The following ROBO2 variants were observed in gnomAD, a reference collection of about 807,000 sequenced individuals.
The protein encoded by ROBO2 is roundabout guidance receptor 2.
A neutral mutation model predicts 160.8 loss-of-function variants in ROBO2; 53 were observed. The observed-to-expected ratio is 0.33, with a 90% CI of 0.26 to 0.41. The LOEUF (loss-of-function observed/expected upper bound fraction) is 0.41. ROBO2 is among the 10% of genes least tolerant of loss of function. ROBO2 has a pLI of 1.00. For missense variants in ROBO2, 1,577 were observed against 1,722.4 expected, an observed-to-expected ratio of 0.92 and a Z score of 1.49; for synonymous variants, 664 against 611.7, an observed-to-expected ratio of 1.09 and a Z score of -1.26.
At chr3:76,743,694 C>T (rs1035926065) in intron 2 of ROBO2, among the ~76,000 whole-genome samples, 7 of 151,956 alleles carry the variant, frequency 4.6e-5, no homozygotes, top group Admixed American at 2.0e-4. Context: ...ATTTCTAAGA[C>T]TTTCATTCCT....
At position 76,834,347 on chromosome 3, in the gene ROBO2, C is replaced by T. The variant is rs144981954; in HGVS notation, c.110-263667C>T. 4.1e-3 allele frequency among the ~76,000 whole-genome samples: 619 copies of T among 151,478 alleles called. 6 individuals carry two copies. The highest frequency in any genetic ancestry group is 5.1e-3 in the Non-Finnish European group (349 of 67,848). Reference sequence around the variant, plus strand: ...TAACTACAGGGGCACACTACCATGCCCTGCTAATTATTTATTTATTTACTT... The same window carrying T: ...TAACTACAGGGGCACACTACCATGCTCTGCTAATTATTTATTTATTTACTT... On this transcript the variant is annotated intron_variant, in intron 2 of 26. Coordinates refer to the ROBO2 transcript ENST00000487694.
At chr3:77,250,446 C>A (rs6808254) in intron 2 of ROBO2, among the ~76,000 whole-genome samples, 1 of 152,144 alleles carries the variant, frequency 6.6e-6, no homozygotes, top group South Asian at 2.1e-4. Context: ...CTCCTTCACA[C>A]CTTCTCCTGC....
intron 2 of ROBO2, among the ~76,000 whole-genome samples, chr3:77,406,905 T>G (rs1042721020): frequency 6.6e-6 from 1 of 152,204 alleles, no homozygotes; most frequent in Non-Finnish European, 1.5e-5. Flanking sequence ...TTTAACACAT[T>G]GGACCTTGCA....
intron 2 of ROBO2, among the ~76,000 whole-genome samples, chr3:76,086,228 C>T (rs894197273): frequency 5.3e-5 from 8 of 152,074 alleles, no homozygotes; most frequent in African/African-American, 1.9e-4. Context: ...GTGGTGGCAG[C>T]AAGAAGTGAA....
At chr3:76,234,527 A>G (rs989055690) in intron 2 of ROBO2, among the ~76,000 whole-genome samples, 2 of 152,210 alleles carry the variant, frequency 1.3e-5, no homozygotes, top group African/African-American at 4.8e-5. Flanking sequence ...CCTTCTCTCC[A>G]CAACCTCACC....
chr3:77,596,997 T>G (rs1361430383), intron 19 of ROBO2, among the ~76,000 whole-genome samples: 1 of 152,046 alleles, frequency 6.6e-6, no homozygotes, highest in Non-Finnish European at 1.5e-5. Flanking sequence ...TGATAAATAT[T>G]TATAATATAT....
At chr3:76,536,020 AG>A (rs1189513894) in intron 2 of ROBO2, among the ~76,000 whole-genome samples, 3 of 152,108 alleles carry the variant, frequency 2.0e-5, no homozygotes, top group Non-Finnish European at 4.4e-5. Context: ...TCTGATTTCC[AG>A]TGGGGTCCTG....
At chr3:76,361,081 A>G (rs2075489568) in intron 2 of ROBO2, among the ~76,000 whole-genome samples, 2 of 152,124 alleles carry the variant, frequency 1.3e-5, no homozygotes, top group South Asian at 4.1e-4. Flanking sequence ...ATGTAATGAC[A>G]TGTTGAAAAC....
At chr3:75,915,503 CA>C (rs1268312701) in intron 1 of ROBO2, among the ~76,000 whole-genome samples, 1 of 152,114 alleles carries the variant, frequency 6.6e-6, no homozygotes, top group Non-Finnish European at 1.5e-5. Context: ...ATATAGTTCA[CA>C]GTATTGTAAC....
At chr3:77,546,562 ATTTAT>A in intron 7 of ROBO2, 100 bp downstream of exon 8, 1 of 1,428,464 alleles carries the variant, frequency 7.0e-7, no homozygotes, top group Non-Finnish European at 9.8e-7. Flanking sequence ...CAATGTTTGA[ATTTAT>A]TTTATTTCTG....
chr3:76,536,993 C>T (rs921479676), intron 2 of ROBO2, among the ~76,000 whole-genome samples: 4 of 151,778 alleles, frequency 2.6e-5, no homozygotes, highest in Non-Finnish European at 4.4e-5. Context: ...CCAGACTGAG[C>T]GTGAGGAAGG....
chr3:76,510,953 G>C (rs141486336), intron 2 of ROBO2, among the ~76,000 whole-genome samples: 87 of 152,180 alleles, frequency 5.7e-4, no homozygotes, highest in African/African-American at 2.0e-3. Context: ...AGAAATTTAA[G>C]AAAAGACACA....
chr3:76,253,572 C>G (rs1706171580), intron 2 of ROBO2, among the ~76,000 whole-genome samples: 1 of 149,248 alleles, frequency 6.7e-6, no homozygotes, highest in Non-Finnish European at 1.5e-5. Flanking sequence ...CAAACCTGGC[C>G]CATGAGTAAT....
chr3:77,279,398 A>G (rs2060100787), intron 2 of ROBO2, among the ~76,000 whole-genome samples: 1 of 152,148 alleles, frequency 6.6e-6, no homozygotes, highest in South Asian at 2.1e-4. Flanking sequence ...AAGCTTGAGA[A>G]AAAGTTTGTA....
chr3:76,248,674 G>T lies in ROBO2; in HGVS notation c.109+311072G>T, dbSNP rs113069873. ...GAAAAAAAACTTAAAAAAAAAAAAA[G>T]AAATTCTTCCAGACTTTCATAATCT... On this transcript the variant is annotated intron_variant, in intron 2 of 26. Transcript: ENST00000487694. 6.1e-5 allele frequency among the ~76,000 whole-genome samples: 3 copies of T among 49,548 alleles called. No individual in the cohort carries two copies. In the East Asian group the frequency reaches 6.0e-3, roughly 99 times the overall value. 32.5% of individuals were successfully genotyped at this position (49,548 alleles called of 152,430 possible).
intron 2 of ROBO2, among the ~76,000 whole-genome samples, chr3:76,701,803 G>A (rs914030915): frequency 2.0e-5 from 3 of 150,800 alleles, no homozygotes; most frequent in Admixed American, 6.6e-5. Context: ...TTTTATTTGA[G>A]GTATACCACC....
chr3:77,245,430 A>G (rs1411453521), intron 2 of ROBO2, among the ~76,000 whole-genome samples: 1 of 152,214 alleles, frequency 6.6e-6, no homozygotes, highest in African/African-American at 2.4e-5. Context: ...TCATTAAAAA[A>G]TTAATTCTGT....
Position 75,935,400 on chromosome 3 carries a change from T to G in ROBO2, c.-13-2081T>G, listed in dbSNP as rs112694594. ...GGTGGTGCGTGCCTGTAGCCTGAGC[T>G]ACTCGAGAGGCCGAGGCAAAAGTAT... On this transcript the variant is annotated intron_variant, in intron 1 of 26. Transcript: ENST00000487694. Among the ~76,000 whole-genome samples the G allele has an allele frequency of 2.2e-4, 34 of 152,118 alleles. No homozygotes were observed. In the South Asian group the frequency reaches 6.7e-3, roughly 30 times the overall value.
intron 2 of ROBO2, among the ~76,000 whole-genome samples, chr3:76,733,163 T>G (rs1182037821): frequency 6.6e-6 from 1 of 152,144 alleles, no homozygotes; most frequent in African/African-American, 2.4e-5. Flanking sequence ...GAAAAAAATG[T>G]TTTGTGAATG....
Sources: gnomAD v4.1 joint callset for allele counts (sites outside exome capture counted in the v4.1 genomes callset) on GRCh38, gnomAD v4.1.1 for gene constraint, MANE v1.5 for transcripts, NCBI Gene and HGNC (gene_info 2026-07-23, HGNC 2026-07-21) for gene names.